Variants in CDH20 observed in about 807,000 individuals in gnomAD.
CDH20 encodes cadherin 20.
In CDH20, 29 loss-of-function variants were observed where a neutral mutation model predicts 74.2. That is an observed-to-expected ratio of 0.39 (90% CI 0.29 to 0.53). The LOEUF is 0.53. Ranked by LOEUF, CDH20 falls within the 20% of genes least tolerant of loss-of-function variation. The pLI is 0.69. For missense variants in CDH20, 988 were observed against 1,048.3 expected (o/e 0.94, Z 0.79); for synonymous variants, 469 against 405.4 (o/e 1.16, Z -1.88).
intron 1 of CDH20, among the ~76,000 whole-genome samples, chr18:61,429,808 T>A (rs763600984): frequency 6.6e-6 from 1 of 152,228 alleles, no homozygotes; most frequent in Non-Finnish European, 1.5e-5. Context: ...CCTTCCCAGA[T>A]AAACAGTGAT....
At chr18:61,405,069 A>C in intron 1 of CDH20, 1 of 673,714 alleles carries the variant, frequency 1.5e-6, no homozygotes, top group Admixed American at 1.8e-5. Context: ...ACAGAGAATG[A>C]CCAATTTTGC....
intron 6 of CDH20, among the ~76,000 whole-genome samples, chr18:61,523,395 T>C (rs1392129617): frequency 6.6e-6 from 1 of 152,144 alleles, no homozygotes; most frequent in Non-Finnish European, 1.5e-5. Flanking sequence ...AGAATGGTGA[T>C]CATTAAAAAA....
chr18:61,456,669 C>CA (rs1024259283), intron 1 of CDH20, among the ~76,000 whole-genome samples: 3 of 151,470 alleles, frequency 2.0e-5, no homozygotes, highest in Non-Finnish European at 2.9e-5. Context: ...ACAAAAAACA[C>CA]AAAAAAAGAC....
At chr18:61,337,787 T>A (rs1043496532) in intron 1 of CDH20, among the ~76,000 whole-genome samples, 5 of 152,196 alleles carry the variant, frequency 3.3e-5, no homozygotes, top group South Asian at 4.1e-4. Context: ...ACATGGTATC[T>A]GGGGAGGGGT....
intron 10 of CDH20, among the ~76,000 whole-genome samples, chr18:61,546,918 C>T (rs866958594): frequency 6.6e-6 from 1 of 152,226 alleles, no homozygotes; most frequent in Non-Finnish European, 1.5e-5. Context: ...AGTCTAGGCA[C>T]AGTGGCTCAT....
intron 1 of CDH20, among the ~76,000 whole-genome samples, chr18:61,432,558 C>T (rs1483340054): frequency 2.0e-5 from 3 of 152,224 alleles, no homozygotes; most frequent in Non-Finnish European, 4.4e-5. Flanking sequence ...AAACCTTCCA[C>T]AGTTGAAAGT....
chr18:61,533,262 A>G (rs1388167585), intron 7 of CDH20, among the ~76,000 whole-genome samples: 1 of 152,178 alleles, frequency 6.6e-6, no homozygotes, highest in Non-Finnish European at 1.5e-5. Context: ...GAGTTTGGTC[A>G]TGCCACTGCA....
intron 1 of CDH20, among the ~76,000 whole-genome samples, chr18:61,442,508 A>C (rs1291698083): frequency 6.6e-6 from 1 of 152,176 alleles, no homozygotes; most frequent in African/African-American, 2.4e-5. Context: ...AGTCTGCTGC[A>C]TCATAACAAG....
chr18:61,348,448 C>T (rs1470943220), intron 1 of CDH20, among the ~76,000 whole-genome samples: 1 of 152,184 alleles, frequency 6.6e-6, no homozygotes, highest in African/African-American at 2.4e-5. Flanking sequence ...TTGAATTTCT[C>T]TCCCACCAGC....
chr18:61,533,150 A>G (rs2144381300), intron 7 of CDH20, among the ~76,000 whole-genome samples: 1 of 152,176 alleles, frequency 6.6e-6, no homozygotes, highest in South Asian at 2.1e-4. Context: ...AAAAATAAAA[A>G]AAATTTAATT....
intron 1 of CDH20, among the ~76,000 whole-genome samples, chr18:61,352,650 C>T (rs1910346056): frequency 6.6e-6 from 1 of 152,162 alleles, no homozygotes; most frequent in African/African-American, 2.4e-5. Flanking sequence ...ATAATAATTA[C>T]CTTAGTTGCT....
intron 1 of CDH20, among the ~76,000 whole-genome samples, chr18:61,361,337 C>A (rs1910687535): frequency 6.6e-6 from 1 of 152,172 alleles, no homozygotes; most frequent in Non-Finnish European, 1.5e-5. Context: ...GACAAATTAT[C>A]TTTCTAGAAA....
intron 1 of CDH20, among the ~76,000 whole-genome samples, chr18:61,374,496 A>G (rs1370996779): frequency 1.3e-5 from 2 of 152,194 alleles, no homozygotes; most frequent in Non-Finnish European, 2.9e-5. Flanking sequence ...ACTTTCCCCA[A>G]AAATGAAAAT....
chr18:61,363,544 A>T (rs148950257), intron 1 of CDH20, among the ~76,000 whole-genome samples: 2 of 152,336 alleles, frequency 1.3e-5, no homozygotes, highest in East Asian at 3.9e-4. Context: ...GTATTATTTC[A>T]ATTAACAAAT....
At chr18:61,387,572 A>G (rs1911644634) in intron 1 of CDH20, among the ~76,000 whole-genome samples, 1 of 152,234 alleles carries the variant, frequency 6.6e-6, no homozygotes, top group South Asian at 2.1e-4. Flanking sequence ...ATAAGGACGC[A>G]TGTGATTTAC....
At chr18:61,404,694 G>A (rs1304753286) in intron 1 of CDH20, among the ~76,000 whole-genome samples, 1 of 151,646 alleles carries the variant, frequency 6.6e-6, no homozygotes, top group Non-Finnish European at 1.5e-5. Flanking sequence ...TGAGAGCTGA[G>A]ATACAGAGAT....
Position 61,499,398 on chromosome 18 carries a change from C to A in CDH20, c.459C>A (p.Ile153=), listed in dbSNP as rs1050519807. The A allele has an allele frequency of 6.2e-7, 1 of 1,614,126 alleles. No homozygotes were observed. Residue 153 remains isoleucine (I), a synonymous_variant, in exon 3 of 12, where the codon ATC becomes ATA. Transcript: ENST00000262717. ...TGGAGCCCGAGTCAGAGTTCATCAT[C>A]AAAATTCAAGACATCAATGACAATG... ...RPMEPESEFI[I]KIQDINDNEP...
intron 1 of CDH20, among the ~76,000 whole-genome samples, chr18:61,404,652 A>G (rs553709256): frequency 6.6e-6 from 1 of 152,352 alleles, no homozygotes; most frequent in Admixed American, 6.5e-5. Context: ...GATTAATAAA[A>G]TCATATGTAT....
chr18:61,358,838 A>T (rs74483290), intron 1 of CDH20, among the ~76,000 whole-genome samples: 2,260 of 152,238 alleles, frequency 0.015, 63 homozygotes, highest in African/African-American at 0.051. Context: ...AATGATTTCA[A>T]GTTGTTTGAT....
Sources: allele counts gnomAD v4.1 joint callset (sites outside exome capture counted in the v4.1 genomes callset), GRCh38; gene constraint gnomAD v4.1.1; transcripts MANE v1.5; gene names NCBI Gene and HGNC (gene_info 2026-07-23, HGNC 2026-07-21).